GREB1: variants seen among roughly 807,000 people sequenced by gnomAD.
GREB1 encodes protein GREB1.
GREB1 carries 106 observed loss-of-function variants against 200.7 expected under a neutral mutation model. That is an observed-to-expected ratio of 0.53 (90% confidence interval 0.45 to 0.62). The LOEUF (loss-of-function observed/expected upper bound fraction) is 0.62. Among genes scored for constraint, GREB1 ranks in the 20% least tolerant of loss-of-function variants. The probability of loss-of-function intolerance (pLI) is 0.00; values close to 1 mark genes in which losing one functional copy is unlikely to be tolerated. For missense variants in GREB1, 2,243 were observed against 2,556.8 expected (o/e 0.88, Z 2.65); for synonymous variants, 1,132 against 1,092.4 (o/e 1.04, Z -0.72).
rs552657492 is a variant in GREB1, at chr2:11,566,472, C to G, written c.278-8C>G. ...GGGCAGCGTGTGAACCCTGTCCACCCCTCCTAGGGTTTTGCCAGGCCGGGA... is the reference window on the plus strand; with the variant it reads ...GGGCAGCGTGTGAACCCTGTCCACCGCTCCTAGGGTTTTGCCAGGCCGGGA... On this transcript the variant is annotated splice_polypyrimidine_tract_variant and splice_region_variant and intron_variant, in intron 3 of 32. Coordinates refer to ENST00000381486, the MANE Select transcript of GREB1 (RefSeq NM_014668.4). 6.3e-7 allele frequency: 1 copy of G among 1,597,986 alleles called. No homozygotes were observed. The highest frequency in any genetic ancestry group is 8.5e-7 in the Non-Finnish European group (1 of 1,170,470).
chr2:11,495,741 C>T (rs1672865470), intron 1 of GREB1, among the ~76,000 whole-genome samples: 2 of 151,670 alleles, frequency 1.3e-5, no homozygotes, highest in South Asian at 2.1e-4. Context: ...CGGGTCCGAG[C>T]GCCTAGCCTC....
At chr2:11,606,793 T>TTATTAGG (rs921548770) in intron 17 of GREB1, among the ~76,000 whole-genome samples, 2 of 127,216 alleles carry the variant, frequency 1.6e-5, no homozygotes, top group African/African-American at 5.2e-5. Flanking sequence ...ATTATTATTA[T>TTATTAGG]TATTATTTGA....
chr2:11,554,231 CTTCCCACAGCTCAT>C (rs1274108957), intron 1 of GREB1, among the ~76,000 whole-genome samples: 1 of 152,216 alleles, frequency 6.6e-6, no homozygotes, highest in African/African-American at 2.4e-5. Flanking sequence ...CTGAAGCAAT[CTTCCCACAGCTCAT>C]TTCCCCAGGC....
At chr2:11,637,282 A>T (rs1355361303) in intron 30 of GREB1, among the ~76,000 whole-genome samples, 1 of 148,394 alleles carries the variant, frequency 6.7e-6, no homozygotes, top group African/African-American at 2.5e-5. Flanking sequence ...ATTTACGTAG[A>T]TGTAAACGTG....
intron 1 of GREB1, among the ~76,000 whole-genome samples, chr2:11,484,585 TAAAAAACA>T (rs1481991974): frequency 5.3e-3 from 41 of 7,760 alleles, no homozygotes; most frequent in East Asian, 0.018. Context: ...TCTCATCTCT[TAAAAAACA>T]AAAAAAAAAA....
In GREB1 at chr2:11,597,196, A is replaced by T. The variant is rs79405636; in HGVS notation, c.1955-585A>T. ...CCAAGGACTCAGATTGGAGGTAGCA[A>T]TGTCAGAGGCACATCCACAAGACAG... On this transcript the variant is annotated intron_variant, in intron 13 of 32. Coordinates refer to ENST00000381486, the MANE Select transcript of GREB1 (RefSeq NM_014668.4). The surrounding 1 kb of genome is among the most constrained non-coding windows in gnomAD (Gnocchi z 4.1). Among the ~76,000 whole-genome samples, 3,576 of 152,156 alleles carry T rather than the reference A, an allele frequency of 0.024. 152 individuals are homozygous for T. Among genetic ancestry groups the T allele is most frequent in the African/African-American group, 0.081 (3,343 of 41,468 alleles).
rs773037321 is a variant in GREB1, at chr2:11,597,856, C to T, written c.2030C>T (p.Ser677Phe). 6.2e-7 allele frequency: 1 copy of T among 1,614,174 alleles called. No homozygotes were observed. Among genetic ancestry groups the T allele is most frequent in the Non-Finnish European group, 8.5e-7 (1 of 1,180,004 alleles). The part of the protein sequence containing the change: ...VAQKLLSHVC[S>F]IADSSTQNLD... ...CAGAAGCTCCTCTCCCATGTGTGTTCCATTGCGGATTCCAGCACCCAAAAT... is the reference window on the plus strand; with the variant it reads ...CAGAAGCTCCTCTCCCATGTGTGTTTCATTGCGGATTCCAGCACCCAAAAT... Residue 677 changes from serine (S) to phenylalanine (F), a missense_variant, in exon 14 of 33, where the codon TCC (serine) becomes TTC (phenylalanine). Ser to Phe is a radical substitution (Grantham distance 155). This residue lies in a region of GREB1 where 1,178 missense variants were observed against 1,387.4 expected (regional missense o/e 0.85). Coordinates refer to ENST00000381486, the MANE Select transcript of GREB1 (RefSeq NM_014668.4). This position sits in a 1 kb window ranked among gnomAD's most constrained non-coding sequence, Gnocchi z 4.1.
intron 30 of GREB1, among the ~76,000 whole-genome samples, 163 bp from the exon 31 acceptor site, chr2:11,637,553 A>G (rs185530706): frequency 6.6e-6 from 1 of 152,326 alleles, no homozygotes; most frequent in East Asian, 1.9e-4. Flanking sequence ...AGTAAAACCT[A>G]ATCTTTCTCA....
At chr2:11,591,967 TTTAATACTAA>T in intron 10 of GREB1, 1 of 979,922 alleles carries the variant, frequency 1.0e-6, no homozygotes. Flanking sequence ...TAAGGACAGT[TTTAATACTAA>T]TTCCAGCAAT....
At chr2:11,521,921 G>A (rs571521475) in intron 1 of GREB1, among the ~76,000 whole-genome samples, 7 of 152,280 alleles carry the variant, frequency 4.6e-5, no homozygotes, top group East Asian at 1.9e-4. Flanking sequence ...GTTCCCACAC[G>A]TGTCCTGCAG....
At chr2:11,547,509 TCTA>T (rs1270429389) in intron 1 of GREB1, among the ~76,000 whole-genome samples, 1 of 152,226 alleles carries the variant, frequency 6.6e-6, no homozygotes, top group African/African-American at 2.4e-5. Context: ...CAGCTTCTCT[TCTA>T]CTGAGATTCC....
chr2:11,627,510 G>A (rs932038177), intron 25 of GREB1, among the ~76,000 whole-genome samples: 1 of 152,206 alleles, frequency 6.6e-6, no homozygotes, highest in Non-Finnish European at 1.5e-5. Context: ...AAAACCTAAC[G>A]ATATGAAGCA....
intron 1 of GREB1, among the ~76,000 whole-genome samples, chr2:11,502,108 C>T (rs1252038006): frequency 4.1e-5 from 6 of 148,042 alleles, no homozygotes; most frequent in South Asian, 4.3e-4. Flanking sequence ...GTAGAGACGG[C>T]GTTTCACCAT....
At chr2:11,607,595 T>TATAGATAC (rs1553373779) in intron 17 of GREB1, among the ~76,000 whole-genome samples, 1,636 of 136,432 alleles carry the variant, frequency 0.012, 48 homozygotes, top group African/African-American at 0.044. Context: ...CATATATACA[T>TATAGATAC]ATATATACAT....
chr2:11,498,795 G>A lies in GREB1; in HGVS notation c.-159+16414G>A, dbSNP rs147330213. Among the ~76,000 whole-genome samples, 1,141 of 152,312 alleles carry A rather than the reference G, an allele frequency of 7.5e-3. 11 individuals carry two copies. Among genetic ancestry groups the A allele is most frequent in the Middle Eastern group, 0.037 (11 of 294 alleles). ...ACGGGCATGACTGGGCTGGGTGCCC[G>A]TTTTGTCTCCTCTGTCAGCTGCAGA... On this transcript the variant is annotated intron_variant, in intron 1 of 2. Transcript: ENST00000628795.
chr2:11,578,276 G>T, intron 5 of GREB1, 21 bp from the exon 6 acceptor site: 1 of 1,606,090 alleles, frequency 6.2e-7, no homozygotes. Context: ...TGGTTTTCAC[G>T]TGTGCACCTT....
At position 11,562,634 on chromosome 2, in the gene GREB1, G is replaced by T. The variant is rs772104625; in HGVS notation, c.277+52G>T. 3.3e-6 allele frequency: 5 copies of T among 1,521,600 alleles called. No individual in the cohort carries two copies. In the Admixed American group the frequency reaches 1.1e-4, roughly 34 times the overall value. 94.3% of individuals were successfully genotyped at this position (1,521,600 alleles called of 1,614,324 possible). On this transcript the variant is annotated intron_variant, in intron 3 of 32. Transcript: ENST00000381486. ...GCAGTGCCTGCCATGCTGCCCGGAGGCAGTGGCCAGGCGGGTGACTGGGCC... is the reference window on the plus strand; with the variant it reads ...GCAGTGCCTGCCATGCTGCCCGGAGTCAGTGGCCAGGCGGGTGACTGGGCC...
chr2:11,580,946 G>A lies in GREB1; in HGVS notation c.901+114G>A. The A allele has an allele frequency of 7.5e-7, 1 of 1,333,198 alleles. No homozygotes were observed. Among genetic ancestry groups the A allele is most frequent in the Middle Eastern group, 1.8e-4 (1 of 5,578 alleles). The allele number at this position is 1,333,198 out of a possible 1,614,324, so 82.6% of individuals were successfully genotyped here. On this transcript the variant is annotated intron_variant, in intron 7 of 32. Transcript: ENST00000381486. This position sits in a 1 kb window ranked among gnomAD's most constrained non-coding sequence, Gnocchi z 4.5. ...GCTGAGCCTCCTGGAGTCTGATGTG[G>A]CTTCCATGAGAGTCAGGCCAGGACC...
At chr2:11,510,602 C>G (rs1289503512) in intron 1 of GREB1, among the ~76,000 whole-genome samples, 1 of 151,998 alleles carries the variant, frequency 6.6e-6, no homozygotes, top group Non-Finnish European at 1.5e-5. Context: ...CACCAGTTTT[C>G]AGGATAATGA....
Sources: gnomAD v4.1 joint callset for allele counts (sites outside exome capture counted in the v4.1 genomes callset) on GRCh38, gnomAD v4.1.1 for gene constraint, gnomAD v4.1.1 regional missense constraint, Gnocchi (gnomAD v3.1) non-coding constraint, MANE v1.5 for transcripts, NCBI Gene and HGNC (gene_info 2026-07-23, HGNC 2026-07-21) for gene names.